FARP2: variants seen among roughly 807,000 people sequenced by gnomAD.
The protein encoded by FARP2 is FERM, ARH/RhoGEF and pleckstrin domain protein 2.
Under a neutral mutation model 130.5 loss-of-function variants are expected in FARP2, and 111 were observed. The ratio of observed to expected loss-of-function variants is 0.85; its 90% CI spans 0.73 to 1.00. The LOEUF is 1.00. Ranked by LOEUF, FARP2 falls within the 50% of genes least tolerant of loss-of-function variation. FARP2 has a pLI of 0.00. For missense variants in FARP2, 1,385 were observed against 1,346.3 expected, an observed-to-expected ratio of 1.03 and a Z score of -0.45; for synonymous variants, 504 against 516.9, an observed-to-expected ratio of 0.98 and a Z score of 0.34.
At chr2:241,387,495 A>G (rs546840154) in intron 2 of FARP2, among the ~76,000 whole-genome samples, 7 of 152,336 alleles carry the variant, frequency 4.6e-5, no homozygotes, top group African/African-American at 1.7e-4. Flanking sequence ...AAATAAAATT[A>G]AGAAAATTGT....
intron 11 of FARP2, among the ~76,000 whole-genome samples, chr2:241,436,256 G>A (rs932535294): frequency 5.3e-5 from 8 of 152,076 alleles, no homozygotes; most frequent in Admixed American, 4.6e-4. Context: ...TCCGCACGTG[G>A]AATTTTTTCC....
intron 4 of FARP2, among the ~76,000 whole-genome samples, chr2:241,407,062 C>A (rs950051474): frequency 1.1e-4 from 16 of 152,184 alleles, no homozygotes; most frequent in African/African-American, 3.9e-4. Context: ...CCCCCCTCAG[C>A]CTCCCAAAGT....
chr2:241,420,401 C>T (rs1243401614), intron 8 of FARP2, among the ~76,000 whole-genome samples: 2 of 152,076 alleles, frequency 1.3e-5, no homozygotes, highest in African/African-American at 4.8e-5. Context: ...ATTAATGGCC[C>T]CAGGGAAGAG....
At chr2:241,493,899 A>G (rs2065028962) in intron 26 of FARP2, 109 bp from the exon 27 acceptor site, 1 of 674,246 alleles carries the variant, frequency 1.5e-6, no homozygotes, top group Non-Finnish European at 2.4e-6. Context: ...ACCCGGCCCC[A>G]GGTTTTTAAC....
At chr2:241,463,853 G>T in intron 16 of FARP2, 46 bp from the exon 17 acceptor site, 4 of 1,537,144 alleles carry the variant, frequency 2.6e-6, no homozygotes, top group Non-Finnish European at 3.6e-6. Context: ...AGTGCCTTCT[G>T]CAAGCTTTCA....
intron 13 of FARP2, chr2:241,443,412 A>G (rs895136435): frequency 1.3e-5 from 2 of 152,476 alleles, no homozygotes; most frequent in Non-Finnish European, 2.9e-5. Flanking sequence ...ATTGGGAACT[A>G]GAAGATACGT....
At chr2:241,362,457 C>T (rs2061209802) in intron 1 of FARP2, among the ~76,000 whole-genome samples, 1 of 151,896 alleles carries the variant, frequency 6.6e-6, no homozygotes, top group Non-Finnish European at 1.5e-5. Flanking sequence ...AAAAAATTAG[C>T]CGGGCATGGT....
At position 241,489,962 on chromosome 2, in the gene FARP2, G is replaced by A; in HGVS notation, c.2422G>A (p.Val808Met). 6.2e-7 allele frequency: 1 copy of A among 1,610,914 alleles called. No individual in the cohort carries two copies. The highest frequency in any genetic ancestry group is 8.5e-7 in the Non-Finnish European group (1 of 1,177,128). Residue 808 changes from valine to methionine, a missense_variant and splice_region_variant, in exon 22 of 27, where the codon GTG becomes ATG. Transcript: ENST00000264042. ...RGLLPLQGML[V>M]EESDNEWSVP... ...CTTGGACCGTTTCTCCCACCCACAG[G>A]TGGAAGAAAGTGATAACGAGTGGTC...
intron 17 of FARP2, chr2:241,465,962 G>A (rs1321031923): frequency 1.4e-6 from 2 of 1,409,876 alleles, no homozygotes; most frequent in Non-Finnish European, 1.8e-6. Flanking sequence ...TAATGAGAAA[G>A]TTCTACTTAT....
At position 241,468,335 on chromosome 2, in the gene FARP2, G is replaced by A. The variant is rs368395104; in HGVS notation, c.2089G>A (p.Gly697Arg). 76 of 1,613,444 alleles carry A rather than the reference G, an allele frequency of 4.7e-5. 1 individual carries two copies. Among genetic ancestry groups the A allele is most frequent in the South Asian group, 1.8e-4 (16 of 91,078 alleles). ...CCGCCTGCTGCTGCGCCGCCTATGCGGACATTACAGCCCCGGGCACCATGA... is the reference window on the plus strand; with the variant it reads ...CCGCCTGCTGCTGCGCCGCCTATGCAGACATTACAGCCCCGGGCACCATGA... ...HYRLLLRRLC[G>R]HYSPGHHDYA... Residue 697 changes from glycine to arginine, a missense_variant, in exon 18 of 27, where the codon GGA (glycine) becomes AGA (arginine). Physicochemically the swap from Gly to Arg is moderately radical, Grantham distance 125 (BLOSUM62 -2). Coordinates refer to ENST00000264042, the MANE Select transcript of FARP2 (RefSeq NM_014808.4).
chr2:241,412,175 G>A (rs775245434), intron 6 of FARP2, among the ~76,000 whole-genome samples: 2 of 152,198 alleles, frequency 1.3e-5, no homozygotes, highest in African/African-American at 2.4e-5. Flanking sequence ...TGATAGAGAT[G>A]TGGCGGCAGC....
intron 26 of FARP2, 127 bp downstream of exon 26, chr2:241,493,571 G>T: frequency 1.3e-6 from 1 of 799,306 alleles, no homozygotes; most frequent in Non-Finnish European, 2.0e-6. Flanking sequence ...AATGCTTCCA[G>T]CATTTCCAAA....
At chr2:241,471,545 G>A (rs1196507292) in intron 18 of FARP2, 1 of 143,096 alleles carries the variant, frequency 7.0e-6, no homozygotes, top group Non-Finnish European at 1.5e-5. Context: ...CCAGGCTGGA[G>A]TGCAGTGGCA....
intron 5 of FARP2, among the ~76,000 whole-genome samples, chr2:241,410,656 C>T (rs1014342601): frequency 1.3e-5 from 2 of 152,162 alleles, no homozygotes; most frequent in African/African-American, 4.8e-5. Flanking sequence ...TCTCGAACTC[C>T]TGACCTCAGG....
chr2:241,387,676 CCA>C, intron 2 of FARP2, among the ~76,000 whole-genome samples: 1 of 151,554 alleles, frequency 6.6e-6, no homozygotes, highest in East Asian at 1.9e-4. Flanking sequence ...GCCTGTAGTC[CCA>C]GGTACTCAGG....
intron 9 of FARP2, among the ~76,000 whole-genome samples, 164 bp from the exon 10 acceptor site, chr2:241,433,994 C>CCGTTG (rs1243979411): frequency 1.3e-5 from 2 of 152,112 alleles, no homozygotes; most frequent in Non-Finnish European, 2.9e-5. Context: ...CAAGATCACG[C>CCGTTG]CATTGCACTC....
rs2061745740 is a variant in FARP2 at position 241,384,790 on chromosome 2, G to A, written c.183+11500G>A. 2.6e-5 allele frequency among the ~76,000 whole-genome samples: 4 copies of A among 152,134 alleles called. No individual in the cohort carries two copies. In the South Asian group the frequency reaches 8.3e-4, roughly 32 times the overall value. On this transcript the variant is annotated intron_variant, in intron 2 of 26. Transcript: ENST00000264042. ...AAGACAACTCAAACATGGCTTAAAG[G>A]CTCTAGACATTACTATCCTAGGAAA...
At chr2:241,457,768 G>A (rs1003365355) in intron 14 of FARP2, among the ~76,000 whole-genome samples, 3 of 151,006 alleles carry the variant, frequency 2.0e-5, no homozygotes, top group Admixed American at 2.0e-4. Flanking sequence ...AAACATCTGG[G>A]TGCTAAGGGA....
intron 21 of FARP2, among the ~76,000 whole-genome samples, chr2:241,487,576 A>G (rs1467848768): frequency 9.3e-6 from 1 of 107,500 alleles, no homozygotes; most frequent in Non-Finnish European, 2.2e-5. Flanking sequence ...GCTAAGCACA[A>G]GAATCACTTG....
Sources: allele counts gnomAD v4.1 joint callset (sites outside exome capture counted in the v4.1 genomes callset), GRCh38; gene constraint gnomAD v4.1.1; transcripts MANE v1.5; gene names NCBI Gene and HGNC (gene_info 2026-07-23, HGNC 2026-07-21).